The following ZNF713 variants were observed in gnomAD, a reference collection of about 807,000 sequenced individuals.
ZNF713 encodes zinc finger protein 713.
A neutral mutation model predicts 28.7 loss-of-function variants in ZNF713; 21 were observed. That is an observed-to-expected ratio of 0.73 (90% CI 0.52 to 1.05). The LOEUF (loss-of-function observed/expected upper bound fraction) is 1.05. Ranked by LOEUF, ZNF713 falls within the 50% of genes least tolerant of loss-of-function variation. ZNF713 has a pLI of 0.00. For missense variants in ZNF713, 458 were observed against 532.4 expected, an observed-to-expected ratio of 0.86 and a Z score of 1.37; for synonymous variants, 167 against 178.0, an observed-to-expected ratio of 0.94 and a Z score of 0.49.
intron 6 of ZNF713, among the ~76,000 whole-genome samples, chr7:55,929,771 A>G (rs1316990398): frequency 6.6e-6 from 1 of 151,776 alleles, no homozygotes; most frequent in African/African-American, 2.4e-5. Flanking sequence ...CTGGAGAGAG[A>G]GACCTGGAAG....
intron 6 of ZNF713, among the ~76,000 whole-genome samples, chr7:55,925,428 C>G (rs1786079773): frequency 6.6e-6 from 1 of 152,106 alleles, no homozygotes; most frequent in South Asian, 2.1e-4. Flanking sequence ...CGAGACCATC[C>G]TGGCCAACAT....
rs550993675 is a variant in ZNF713, at chr7:55,925,611, C to A, written c.307+1912C>A. Among the ~76,000 whole-genome samples the A allele has an allele frequency of 1.1e-4, 16 of 152,178 alleles. No homozygotes were observed. In the South Asian group the frequency reaches 3.3e-3, roughly 32 times the overall value. On this transcript the variant is annotated intron_variant, in intron 6 of 6. Transcript: ENST00000429591. ...ACTTCAGCCTGGCAACAGAGCAAGACTCCATCTCAAAAAAGAAAAGGGAAG... is the reference window on the plus strand; with the variant it reads ...ACTTCAGCCTGGCAACAGAGCAAGAATCCATCTCAAAAAAGAAAAGGGAAG...
chr7:55,930,945 T>G (rs1187788601), intron 6 of ZNF713, among the ~76,000 whole-genome samples: 4 of 152,192 alleles, frequency 2.6e-5, no homozygotes, highest in African/African-American at 9.7e-5. Flanking sequence ...ACCACTTTCA[T>G]TAAAAAATGC....
chr7:55,891,517 TAAC>T (rs143006638), intron 1 of ZNF713, among the ~76,000 whole-genome samples: 122,575 of 150,698 alleles, frequency 0.81, 50,324 homozygotes, highest in East Asian at 0.95. Flanking sequence ...TGGTCGCTAA[TAAC>T]AACAACAACA....
At chr7:55,934,647 A>G (rs1268773684) in intron 6 of ZNF713, among the ~76,000 whole-genome samples, 1 of 151,964 alleles carries the variant, frequency 6.6e-6, no homozygotes, top group Non-Finnish European at 1.5e-5. Flanking sequence ...TAGGATGGCA[A>G]GCACATGCCA....
chr7:55,940,130 GT>G lies in ZNF713; in HGVS notation c.*128del. The G allele has an allele frequency of 7.0e-7, 1 of 1,420,638 alleles. No homozygotes were observed. The highest frequency in any genetic ancestry group is 9.2e-7 in the Non-Finnish European group (1 of 1,089,960). The allele number at this position is 1,420,638 out of a possible 1,614,324, so 88.0% of individuals were successfully genotyped here. A position where few individuals can be genotyped will look rare whatever the true frequency, so the allele number is the denominator to read the frequency against. On this transcript the variant is annotated 3_prime_UTR_variant, in exon 7 of 7. Transcript: ENST00000429591. The stretch of plus-strand genomic sequence containing the variant: ...AAGCTTATACATAAATTTTTGTTTT[GT>G]TTTGTTTTTGAGACTGAGTCTCACT...
intron 6 of ZNF713, among the ~76,000 whole-genome samples, 193 bp from the exon 7 acceptor site, chr7:55,938,789 C>G (rs1786405270): frequency 1.3e-5 from 2 of 152,176 alleles, no homozygotes; most frequent in Admixed American, 6.6e-5. Context: ...TCCCCCTGCT[C>G]CTTGCTTCTT....
chr7:55,891,187 T>TA (rs1407834242), intron 1 of ZNF713, among the ~76,000 whole-genome samples: 2 of 152,142 alleles, frequency 1.3e-5, no homozygotes, highest in Non-Finnish European at 1.5e-5. Context: ...AACTAAGAAA[T>TA]AATTCAGTTT....
chr7:55,889,771 A>G (rs1785345423), intron 1 of ZNF713, among the ~76,000 whole-genome samples: 1 of 152,212 alleles, frequency 6.6e-6, no homozygotes, highest in Non-Finnish European at 1.5e-5. Context: ...TATAAATCTT[A>G]TGAGTTATAG....
intron 4 of ZNF713, among the ~76,000 whole-genome samples, chr7:55,919,563 T>C (rs758605545): frequency 7.2e-6 from 1 of 137,982 alleles, no homozygotes; most frequent in Non-Finnish European, 1.5e-5. Flanking sequence ...TAGAGTGCAG[T>C]GGCACGATCC....
intron 1 of ZNF713, 104 bp downstream of exon 1, chr7:55,887,784 AGGCGGGGGGCGGAGGCGGGG>A (rs1785287290): frequency 5.0e-3 from 3 of 602 alleles, no homozygotes; most frequent in Admixed American, 0.01. Flanking sequence ...CGGGGGGCGG[AGGCGGGGGGCGGAGGCGGGG>A]GGCGGCGGGC....
intron 4 of ZNF713, among the ~76,000 whole-genome samples, chr7:55,913,356 C>G (rs976694082): frequency 6.6e-6 from 1 of 151,906 alleles, no homozygotes; most frequent in African/African-American, 2.4e-5. Context: ...TGCCCACCAC[C>G]ACGCCCGGCC....
In ZNF713 at chr7:55,917,741, C is replaced by T. The variant is rs147643421; in HGVS notation, c.87+5018C>T. 6.7e-4 allele frequency among the ~76,000 whole-genome samples: 102 copies of T among 151,626 alleles called. 1 individual carries two copies. Among genetic ancestry groups the T allele is most frequent in the Non-Finnish European group, 1.3e-3 (88 of 67,894 alleles). ...AAGAAAAAAAATTTTAAAGACAGTT[C>T]ACAGCAAATAAAGTTCAAATGGATC... On this transcript the variant is annotated intron_variant, in intron 4 of 6. Transcript: ENST00000429591.
chr7:55,905,137 C>T (rs1785656674), intron 1 of ZNF713, among the ~76,000 whole-genome samples: 2 of 152,066 alleles, frequency 1.3e-5, no homozygotes, highest in Non-Finnish European at 2.9e-5. Context: ...GCGTGGCCTC[C>T]GAAGTGGGTG....
intron 1 of ZNF713, 113 bp from the exon 2 acceptor site, chr7:55,906,140 T>C (rs2116199875): frequency 6.6e-6 from 1 of 151,894 alleles, no homozygotes; most frequent in Non-Finnish European, 1.5e-5. Context: ...CTGCTGTTAA[T>C]CAGAGTGTAT....
At chr7:55,893,355 C>T (rs774505949) in intron 1 of ZNF713, among the ~76,000 whole-genome samples, 8 of 152,182 alleles carry the variant, frequency 5.3e-5, no homozygotes, top group Non-Finnish European at 1.0e-4. Context: ...GGAAATGCAG[C>T]CAGGCCTGGG....
chr7:55,938,519 C>T (rs1269169697), intron 6 of ZNF713, among the ~76,000 whole-genome samples: 1 of 152,020 alleles, frequency 6.6e-6, no homozygotes, highest in Non-Finnish European at 1.5e-5. Flanking sequence ...TTAGTTTTAT[C>T]ATTTTAAACA....
chr7:55,941,323 G>C lies in ZNF713; in HGVS notation c.*1317G>C, dbSNP rs1786466693. The stretch of plus-strand genomic sequence containing the variant: ...ATACAAAAATTAGCTGGGTATGGTG[G>C]TGCACGCCTGTAGTCTCAGCAGCTT... On this transcript the variant is annotated 3_prime_UTR_variant, in exon 7 of 7. Transcript: ENST00000429591. 6.6e-6 allele frequency: 1 copy of C among 151,596 alleles called. No homozygotes were observed. Among genetic ancestry groups the C allele is most frequent in the African/African-American group, 2.4e-5 (1 of 41,304 alleles). 9.4% of individuals were successfully genotyped at this position (151,596 alleles called of 1,614,324 possible).
chr7:55,891,974 C>T (rs1451274442), intron 1 of ZNF713, among the ~76,000 whole-genome samples: 1 of 152,178 alleles, frequency 6.6e-6, no homozygotes, highest in East Asian at 1.9e-4. Flanking sequence ...AAGTAGTAAA[C>T]CCTTGTTTAT....
Sources: gnomAD v4.1 joint callset for allele counts (sites outside exome capture counted in the v4.1 genomes callset) on GRCh38, gnomAD v4.1.1 for gene constraint, MANE v1.5 for transcripts, NCBI Gene and HGNC (gene_info 2026-07-23, HGNC 2026-07-21) for gene names.